SNX24: variants seen among roughly 807,000 people sequenced by gnomAD.
SNX24 encodes sorting nexin-24.
Under a neutral mutation model 28.7 loss-of-function variants are expected in SNX24, and 22 were observed. The observed-to-expected ratio is 0.77, with a 90% CI of 0.55 to 1.10. The LOEUF (loss-of-function observed/expected upper bound fraction) is 1.10, where lower values mean the gene tolerates loss of function less well. SNX24 is among the 50% of genes least tolerant of loss of function. SNX24 has a pLI of 0.00. For synonymous variants in SNX24, 69 were observed against 71.5 expected (o/e 0.96, Z 0.18); for missense variants, 221 against 201.1 (o/e 1.10, Z -0.60).
chr5:122,897,306 T>C (rs1429030864), intron 1 of SNX24, among the ~76,000 whole-genome samples: 3 of 152,046 alleles, frequency 2.0e-5, no homozygotes, highest in Non-Finnish European at 4.4e-5. Flanking sequence ...ATACCACTTC[T>C]TTTTTTTATT....
chr5:122,852,453 G>A (rs573316531), intron 1 of SNX24, among the ~76,000 whole-genome samples: 74 of 151,640 alleles, frequency 4.9e-4, no homozygotes, highest in African/African-American at 1.4e-3. Flanking sequence ...AGGTGATTCC[G>A]CCACCTCAGC....
chr5:122,997,392 T>C (rs1762086142), intron 3 of SNX24, among the ~76,000 whole-genome samples: 1 of 152,232 alleles, frequency 6.6e-6, no homozygotes, highest in South Asian at 2.1e-4. Context: ...TCTGTAGTGC[T>C]TTTGCCAGTA....
intron 3 of SNX24, among the ~76,000 whole-genome samples, chr5:122,966,674 G>A (rs1760727000): frequency 6.6e-6 from 1 of 152,158 alleles, no homozygotes; most frequent in African/African-American, 2.4e-5. Context: ...AGAGCCCTGA[G>A]TCTCCACTCT....
intron 3 of SNX24, among the ~76,000 whole-genome samples, chr5:122,947,798 T>G (rs1759755115): frequency 6.6e-6 from 1 of 152,220 alleles, no homozygotes; most frequent in Non-Finnish European, 1.5e-5. Context: ...GTAAGCCAGA[T>G]TTTCCATGAT....
At chr5:122,984,406 A>G (rs1761511145) in intron 3 of SNX24, among the ~76,000 whole-genome samples, 1 of 152,202 alleles carries the variant, frequency 6.6e-6, no homozygotes, top group Non-Finnish European at 1.5e-5. Flanking sequence ...AAGCTTAAAG[A>G]AGCTCCTAAA....
rs1237570528 is a variant in SNX24, at chr5:123,024,361, G to A, written n.384-4877G>A. ...TTCCATTCACCTGGTATAAGCCAGCGTAACAGTTAACATGAAGTCTGAGTC... is the reference window on the plus strand; with the variant it reads ...TTCCATTCACCTGGTATAAGCCAGCATAACAGTTAACATGAAGTCTGAGTC... On this transcript the variant is annotated intron_variant and non_coding_transcript_variant, in intron 5 of 5. Transcript: ENST00000502387. Among the ~76,000 whole-genome samples, 13 of 152,126 alleles carry A rather than the reference G, an allele frequency of 8.5e-5. 1 individual carries two copies. Among genetic ancestry groups the A allele is most frequent in the African/African-American group, 2.9e-4 (12 of 41,430 alleles).
intron 2 of SNX24, among the ~76,000 whole-genome samples, chr5:122,937,414 G>A (rs1177891347): frequency 6.6e-6 from 1 of 152,148 alleles, no homozygotes; most frequent in East Asian, 1.9e-4. Context: ...GAAACAGAAA[G>A]GCAAAAGGAA....
intron 3 of SNX24, among the ~76,000 whole-genome samples, chr5:122,970,500 G>T (rs1029251391): frequency 1.3e-5 from 2 of 151,810 alleles, no homozygotes; most frequent in Non-Finnish European, 2.9e-5. Flanking sequence ...ACGGAGTCTC[G>T]CTCTGTCGCC....
At chr5:123,000,094 G>A (rs1480359535) in intron 4 of SNX24, 88 bp downstream of exon 4, 10 of 902,478 alleles carry the variant, frequency 1.1e-5, no homozygotes, top group Admixed American at 3.7e-5. Flanking sequence ...AGTGATGCCC[G>A]AGTAGCCTGC....
intron 5 of SNX24, among the ~76,000 whole-genome samples, chr5:123,020,321 A>T (rs1044055919): frequency 3.3e-5 from 5 of 152,262 alleles, no homozygotes; most frequent in African/African-American, 9.6e-5. Context: ...AACTATAGTT[A>T]AAAAATCCCA....
chr5:122,962,432 A>G (rs1223328310), intron 3 of SNX24, among the ~76,000 whole-genome samples: 1 of 152,220 alleles, frequency 6.6e-6, no homozygotes, highest in African/African-American at 2.4e-5. Flanking sequence ...ACTTCACTTA[A>G]AATAATTTTT....
intron 6 of SNX24, among the ~76,000 whole-genome samples, chr5:123,002,503 G>A (rs1581855391): frequency 2.0e-5 from 3 of 152,256 alleles, no homozygotes; most frequent in Middle Eastern, 3.4e-3. Flanking sequence ...GTGGTGGCCG[G>A]CGCCTATAAT....
chr5:122,931,828 CTTTTTTCTTTTTCTCTTT>C (rs1758971398), intron 1 of SNX24, among the ~76,000 whole-genome samples: 1 of 151,118 alleles, frequency 6.6e-6, no homozygotes, highest in Non-Finnish European at 1.5e-5. Context: ...GAATTCTTTT[CTTTTTTCTTTTTCTCTTT>C]TTTTTTTGCT....
chr5:122,898,731 T>TA (rs1009538069), intron 1 of SNX24, among the ~76,000 whole-genome samples: 1 of 152,258 alleles, frequency 6.6e-6, no homozygotes, highest in Non-Finnish European at 1.5e-5. Flanking sequence ...CTTCTGTTGA[T>TA]ACTGTTTTCT....
chr5:122,883,656 T>C (rs1027525682), intron 1 of SNX24, among the ~76,000 whole-genome samples: 3 of 152,164 alleles, frequency 2.0e-5, no homozygotes, highest in African/African-American at 7.2e-5. Context: ...ATTCTTTTTT[T>C]TTGTTTTTCG....
intron 6 of SNX24, among the ~76,000 whole-genome samples, chr5:123,002,315 A>T (rs13185741): frequency 6.6e-6 from 1 of 151,980 alleles, no homozygotes; most frequent in African/African-American, 2.4e-5. Flanking sequence ...CCAGATGCCA[A>T]GGTTCAAATT....
chr5:122,921,722 A>G (rs1454050682), intron 1 of SNX24, among the ~76,000 whole-genome samples: 2 of 152,158 alleles, frequency 1.3e-5, no homozygotes. Context: ...TGAGAATGGC[A>G]TGAATTAGAG....
intron 1 of SNX24, among the ~76,000 whole-genome samples, chr5:122,889,359 C>T (rs1308677302): frequency 6.6e-6 from 1 of 151,756 alleles, no homozygotes; most frequent in African/African-American, 2.4e-5. Context: ...TAGATGTATA[C>T]AGGCTGAGTA....
chr5:122,923,069 A>T (rs1758511902), intron 1 of SNX24, among the ~76,000 whole-genome samples: 1 of 152,186 alleles, frequency 6.6e-6, no homozygotes, highest in South Asian at 2.1e-4. Context: ...ATAGCTCAGT[A>T]CCTGTAATCC....
Sources: gnomAD v4.1 joint callset for allele counts (sites outside exome capture counted in the v4.1 genomes callset) on GRCh38, gnomAD v4.1.1 for gene constraint, MANE v1.5 for transcripts, NCBI Gene and HGNC (gene_info 2026-07-23, HGNC 2026-07-21) for gene names.